Variants in AKAP6 observed in about 807,000 individuals in gnomAD.
AKAP6 encodes A-kinase anchoring protein 6, also known as A-kinase anchor protein 6.
AKAP6 carries 58 observed loss-of-function variants against 188.5 expected under a neutral mutation model. The ratio of observed to expected loss-of-function variants is 0.31; its 90% confidence interval spans 0.25 to 0.38. AKAP6 has a LOEUF of 0.38. Ranked by LOEUF, AKAP6 falls within the 10% of genes least tolerant of loss-of-function variation. AKAP6 has a pLI of 1.00. For missense variants in AKAP6, 2,710 were observed against 2,740.0 expected (o/e 0.99, Z 0.24); for synonymous variants, 989 against 998.6 (o/e 0.99, Z 0.18).
intron 5 of AKAP6, among the ~76,000 whole-genome samples, chr14:32,578,856 T>C (rs1033439214): frequency 2.6e-5 from 4 of 152,120 alleles, no homozygotes; most frequent in Admixed American, 2.6e-4. Flanking sequence ...ATATGGCCTC[T>C]TTGTAACCAA....
chr14:32,773,988 G>A (rs775078185), intron 12 of AKAP6, 95 bp downstream of exon 12: 3 of 1,333,758 alleles, frequency 2.2e-6, no homozygotes, highest in South Asian at 2.5e-5. Flanking sequence ...CTTATAAATG[G>A]TTTTACTAAC....
intron 7 of AKAP6, among the ~76,000 whole-genome samples, chr14:32,637,030 T>A (rs1239839730): frequency 6.6e-6 from 1 of 151,938 alleles, no homozygotes; most frequent in Non-Finnish European, 1.5e-5. Flanking sequence ...ATCCAAGAGA[T>A]GTTAGGGAGG....
At chr14:32,493,293 AC>A (rs1209207998) in intron 2 of AKAP6, among the ~76,000 whole-genome samples, 4 of 152,020 alleles carry the variant, frequency 2.6e-5, no homozygotes, top group Non-Finnish European at 5.9e-5. Flanking sequence ...TGCAGCCTTG[AC>A]TTCCAGGGCT....
chr14:32,720,590 GGTAA>G (rs1381681266), intron 9 of AKAP6, among the ~76,000 whole-genome samples: 2 of 152,120 alleles, frequency 1.3e-5, no homozygotes, highest in Non-Finnish European at 2.9e-5. Flanking sequence ...GCACATATTA[GGTAA>G]GTGTTTTCTT....
In AKAP6 at chr14:32,437,789, G is replaced by A. The variant is rs532586212; in HGVS notation, c.324+3972G>A. ...TGTTTGTATTTTGTGTAGTAGAGAT[G>A]GGATTTCACCATGTTGCCCAGGCTG... On this transcript the variant is annotated intron_variant, in intron 2 of 13. Coordinates refer to ENST00000280979, the MANE Select transcript of AKAP6 (RefSeq NM_004274.5). Among the ~76,000 whole-genome samples the A allele has an allele frequency of 7.2e-5, 11 of 152,202 alleles. No individual in the cohort carries two copies. In the South Asian group the frequency reaches 1.2e-3, roughly 17 times the overall value.
intron 12 of AKAP6, among the ~76,000 whole-genome samples, chr14:32,820,260 G>A (rs1035997713): frequency 1.3e-5 from 2 of 151,888 alleles, no homozygotes; most frequent in African/African-American, 4.8e-5. Flanking sequence ...GTCTGTAGGT[G>A]AGCCCATCAA....
chr14:32,790,226 G>A (rs1277825539), intron 12 of AKAP6, among the ~76,000 whole-genome samples: 1 of 152,134 alleles, frequency 6.6e-6, no homozygotes, highest in Non-Finnish European at 1.5e-5. Flanking sequence ...ATTATGTAAA[G>A]AGACTGAATC....
At chr14:32,618,589 T>C (rs1325623639) in intron 7 of AKAP6, among the ~76,000 whole-genome samples, 1 of 152,208 alleles carries the variant, frequency 6.6e-6, no homozygotes, top group Non-Finnish European at 1.5e-5. Context: ...CTTTATCTAC[T>C]CATTGGTTGA....
Position 32,710,546 on chromosome 14 carries a change from C to T in AKAP6, c.3000+14436C>T, listed in dbSNP as rs143853550. Among the ~76,000 whole-genome samples, 87 of 151,948 alleles carry T rather than the reference C, an allele frequency of 5.7e-4. No individual in the cohort carries two copies. The East Asian group carries it at 0.016, about 28-fold the overall frequency. On this transcript the variant is annotated intron_variant, in intron 9 of 13. Coordinates refer to ENST00000280979, the MANE Select transcript of AKAP6 (RefSeq NM_004274.5). ...GAGCAGAGTCACTACTGAGGGAAAC[C>T]GAAAGCAGCCTCTGCAAGATAAATG... is the stretch of plus-strand genomic sequence containing the variant.
intron 4 of AKAP6, among the ~76,000 whole-genome samples, chr14:32,559,636 A>G (rs765178188): frequency 1.2e-4 from 18 of 152,150 alleles, no homozygotes; most frequent in Non-Finnish European, 2.4e-4. Context: ...GCAAATTACA[A>G]TCACTGGGAA....
intron 11 of AKAP6, among the ~76,000 whole-genome samples, chr14:32,762,256 G>A (rs1265607457): frequency 6.6e-6 from 1 of 152,026 alleles, no homozygotes; most frequent in Non-Finnish European, 1.5e-5. Flanking sequence ...CTCTGTAATA[G>A]ATACCAGCAT....
At chr14:32,769,871 T>C (rs1445924606) in intron 11 of AKAP6, among the ~76,000 whole-genome samples, 1 of 152,202 alleles carries the variant, frequency 6.6e-6, no homozygotes. Context: ...TTTTATAAAC[T>C]ATATGACATT....
intron 1 of AKAP6, 67 bp from the exon 2 acceptor site, chr14:32,433,393 G>C: frequency 9.7e-7 from 1 of 1,025,776 alleles, no homozygotes; most frequent in Non-Finnish European, 1.4e-6. Context: ...TTTCTTCTGT[G>C]AAGTATCATT....
intron 5 of AKAP6, among the ~76,000 whole-genome samples, chr14:32,581,927 A>G (rs1884987939): frequency 1.3e-5 from 2 of 152,078 alleles, no homozygotes. Context: ...CAGCACACGG[A>G]TGGGTCTTGA....
intron 2 of AKAP6, among the ~76,000 whole-genome samples, chr14:32,477,723 G>C (rs879317939): frequency 1.3e-5 from 2 of 152,104 alleles, no homozygotes; most frequent in Non-Finnish European, 2.9e-5. Flanking sequence ...TTTCTTTATA[G>C]CAATCTTGCT....
At chr14:32,411,813 C>A (rs1199324747) in intron 1 of AKAP6, among the ~76,000 whole-genome samples, 1 of 114,064 alleles carries the variant, frequency 8.8e-6, no homozygotes, top group Non-Finnish European at 1.9e-5. Flanking sequence ...TTTTTTAATT[C>A]TTTAGTGATA....
chr14:32,348,261 A>G (rs999116894), intron 1 of AKAP6, among the ~76,000 whole-genome samples: 1 of 152,202 alleles, frequency 6.6e-6, no homozygotes, highest in Non-Finnish European at 1.5e-5. Context: ...AGGTTTTAGG[A>G]TAGAGCAAGA....
intron 7 of AKAP6, among the ~76,000 whole-genome samples, chr14:32,603,245 G>A (rs2139359437): frequency 6.6e-6 from 1 of 152,174 alleles, no homozygotes; most frequent in Admixed American, 6.5e-5. Context: ...CTTACTGGCT[G>A]TGGTATGGGA....
intron 7 of AKAP6, among the ~76,000 whole-genome samples, chr14:32,632,179 G>A (rs1887301919): frequency 6.6e-6 from 1 of 151,858 alleles, no homozygotes; most frequent in Admixed American, 6.6e-5. Flanking sequence ...TTCTTGTCCA[G>A]GTAAACAATA....
Sources: gnomAD v4.1 joint callset for allele counts (sites outside exome capture counted in the v4.1 genomes callset) on GRCh38, gnomAD v4.1.1 for gene constraint, MANE v1.5 for transcripts, NCBI Gene and HGNC (gene_info 2026-07-23, HGNC 2026-07-21) for gene names.